The following DAO variants were observed in gnomAD, a reference collection of about 807,000 sequenced individuals.
DAO encodes the protein D-amino acid oxidase.
A neutral mutation model predicts 50.1 loss-of-function variants in DAO; 51 were observed. The observed-to-expected ratio is 1.02, with a 90% CI of 0.81 to 1.29. The LOEUF is 1.29. DAO is among the 50% of genes most tolerant of loss of function. The pLI is 0.00. For synonymous variants in DAO, 160 were observed against 166.2 expected, an observed-to-expected ratio of 0.96 and a Z score of 0.29; for missense variants, 436 against 439.4, an observed-to-expected ratio of 0.99 and a Z score of 0.07.
At chr12:108,884,926 A>T in intron 1 of DAO, 72 bp from the exon 2 acceptor site, 2 of 1,421,070 alleles carry the variant, frequency 1.4e-6, no homozygotes, top group Non-Finnish European at 2.0e-6. Context: ...CCTTCAGTGG[A>T]TGGTGGCAAT....
chr12:108,899,475 G>A lies in DAO; in HGVS notation c.912G>A (p.Glu304=), dbSNP rs2039598924. Residue 304 remains glutamate, a splice_region_variant and synonymous_variant, in exon 10 of 11, where the codon GAG becomes GAA. Transcript: ENST00000228476. ...TTCGCACTGGACCTTCAAACACAGA[G>A]GTATGCTCCCATGGCAAGGAAAGTA... ...EQLRTGPSNT[E]VIHNYGHGGY... 5.6e-6 allele frequency: 9 copies of A among 1,612,534 alleles called. No homozygotes were observed. In the East Asian group the frequency reaches 1.8e-4, roughly 32 times the overall value.
At chr12:108,897,228 T>G (rs1247391281) in intron 8 of DAO, 140 bp downstream of exon 8, 5 of 685,772 alleles carry the variant, frequency 7.3e-6, no homozygotes, top group Admixed American at 2.2e-5. Flanking sequence ...TTTATTATTA[T>G]TTTTTGAGAC....
intron 2 of DAO, among the ~76,000 whole-genome samples, chr12:108,885,794 G>C (rs776789033): frequency 2.0e-5 from 3 of 151,840 alleles, no homozygotes; most frequent in Non-Finnish European, 2.9e-5. Context: ...CACTCTTGTC[G>C]CCCAGACTGG....
chr12:108,896,342 GA>G lies in DAO; in HGVS notation c.613-662del, dbSNP rs534787239. Among the ~76,000 whole-genome samples the G allele has an allele frequency of 5.1e-3, 728 of 142,274 alleles. 10 individuals are homozygous for G. The highest frequency in any genetic ancestry group is 0.02 in the East Asian group (91 of 4,470). 93.3% of individuals were successfully genotyped at this position (142,274 alleles called of 152,430 possible). A position where few individuals can be genotyped will look rare whatever the true frequency, so the allele number is the denominator to read the frequency against. ...GGAGGCTGACGCAGGAGAATCGCTT[GA>G]ACCCGGGAGGCAGAGGCTGCAGTGA... On this transcript the variant is annotated intron_variant, in intron 7 of 10. Transcript: ENST00000228476.
At chr12:108,881,388 G>A (rs1211166743) in intron 1 of DAO, among the ~76,000 whole-genome samples, 1 of 150,736 alleles carries the variant, frequency 6.6e-6, no homozygotes, top group Middle Eastern at 3.2e-3. Context: ...ACGCATGAAT[G>A]ATTTTACCTA....
chr12:108,894,159 C>A, intron 6 of DAO, 104 bp from the exon 7 acceptor site: 3 of 884,662 alleles, frequency 3.4e-6, no homozygotes, highest in African/African-American at 1.7e-5. Context: ...CACTGTTCAT[C>A]AGGGAGTAGA....
Position 108,899,431 on chromosome 12 carries a change from C to T in DAO, c.868C>T (p.Arg290Trp), listed in dbSNP as rs201364697. 14 of 1,613,790 alleles carry T rather than the reference C, an allele frequency of 8.7e-6. No homozygotes were observed. The highest frequency in any genetic ancestry group is 8.0e-5 in the African/African-American group (6 of 75,020). The stretch of plus-strand genomic sequence containing the variant: ...CTTCCGGCCAGTACGCCCCCAGATT[C>T]GGCTAGAAAGAGAACAGCTTCGCAC... ...TGFRPVRPQI[R>W]LEREQLRTGP... The change falls in exon 10 of 11, where the codon CGG becomes TGG. Residue 290 changes from arginine to tryptophan, a missense_variant. Arg to Trp is a moderately radical substitution (Grantham distance 101). Coordinates refer to ENST00000228476, the MANE Select transcript of DAO (RefSeq NM_001917.5).
At chr12:108,899,577 T>A in intron 10 of DAO, 102 bp downstream of exon 10, 1 of 1,011,004 alleles carries the variant, frequency 9.9e-7, no homozygotes, top group Non-Finnish European at 1.5e-6. Flanking sequence ...CCACACAGGC[T>A]CCATAGCAGG....
At chr12:108,900,287 T>A in intron 10 of DAO, 117 bp from the exon 11 acceptor site, 1 of 1,353,354 alleles carries the variant, frequency 7.4e-7, no homozygotes, top group Non-Finnish European at 1.0e-6. Context: ...TCAGGTGGCA[T>A]CTGGCTTTGC....
At chr12:108,890,175 T>C in intron 4 of DAO, 33 bp from the exon 5 acceptor site, 1 of 1,585,212 alleles carries the variant, frequency 6.3e-7, no homozygotes, top group Non-Finnish European at 8.7e-7. Context: ...GATTTTTACC[T>C]TTATTTCCAC....
intron 2 of DAO, 66 bp downstream of exon 2, chr12:108,885,266 G>T (rs2039424276): frequency 1.3e-6 from 2 of 1,490,390 alleles, no homozygotes; most frequent in Non-Finnish European, 1.9e-6. Flanking sequence ...GGGAGTCAGG[G>T]TTCCCATCAC....
intron 7 of DAO, among the ~76,000 whole-genome samples, chr12:108,896,465 A>G (rs2039559058): frequency 6.7e-6 from 1 of 150,254 alleles, no homozygotes; most frequent in Non-Finnish European, 1.5e-5. Context: ...AGGAAAAAGG[A>G]ATGGAGGAAG....
At chr12:108,891,700 G>A (rs12811324) in intron 5 of DAO, among the ~76,000 whole-genome samples, 28,780 of 151,688 alleles carry the variant, frequency 0.19, 3,555 homozygotes, top group East Asian at 0.48. Flanking sequence ...CTGGGCTCAA[G>A]TGATGCTCCC....
chr12:108,892,894 T>A (rs2137355226), intron 5 of DAO, 88 bp from the exon 6 acceptor site: 3 of 1,175,988 alleles, frequency 2.6e-6, no homozygotes, highest in South Asian at 2.4e-5. Context: ...CGCAGAAGGT[T>A]GTTTGGGAAA....
At position 108,899,483 on chromosome 12, in the gene DAO, C is replaced by T. The variant is rs2039599037; in HGVS notation, c.912+8C>T. ...GGACCTTCAAACACAGAGGTATGCTCCCATGGCAAGGAAAGTAATGCCCTC... is the reference window on the plus strand; with the variant it reads ...GGACCTTCAAACACAGAGGTATGCTTCCATGGCAAGGAAAGTAATGCCCTC... On this transcript the variant is annotated splice_region_variant and intron_variant, in intron 10 of 10. Coordinates refer to ENST00000228476, the MANE Select transcript of DAO (RefSeq NM_001917.5). 2 of 1,610,534 alleles carry T rather than the reference C, an allele frequency of 1.2e-6. No homozygotes were observed.
intron 8 of DAO, chr12:108,898,372 A>G: frequency 2.5e-6 from 1 of 395,454 alleles, no homozygotes; most frequent in Non-Finnish European, 4.9e-6. Flanking sequence ...CTCAATGGCG[A>G]TGTTACTGGT....
At position 108,900,637 on chromosome 12, in the gene DAO, T is replaced by C. The variant is rs115988431; in HGVS notation, c.*102T>C. 3.8e-3 allele frequency: 5,830 copies of C among 1,519,710 alleles called. 186 individuals are homozygous for C. The African/African-American group carries it at 0.068, about 18-fold the overall frequency. The allele number at this position is 1,519,710 out of a possible 1,614,324, so 94.1% of individuals were successfully genotyped here. A position where few individuals can be genotyped will look rare whatever the true frequency, so the allele number is the denominator to read the frequency against. On this transcript the variant is annotated 3_prime_UTR_variant, in exon 11 of 11. Transcript: ENST00000228476. ...AAGCCATTGCTTCTCCCTCACTTCT[T>C]TCCTCAAAGAAGCATGAGGTGAGAG... is the stretch of plus-strand genomic sequence containing the variant.
chr12:108,887,838 G>A (rs1241144927), intron 3 of DAO, among the ~76,000 whole-genome samples: 1 of 152,200 alleles, frequency 6.6e-6, no homozygotes, highest in Non-Finnish European at 1.5e-5. Flanking sequence ...ATACAAACAT[G>A]TTCTGCAGTG....
chr12:108,889,806 G>A (rs2039471159), intron 4 of DAO, among the ~76,000 whole-genome samples: 1 of 152,140 alleles, frequency 6.6e-6, no homozygotes, highest in African/African-American at 2.4e-5. Flanking sequence ...TGAAGATACT[G>A]AGTTTCAGAG....
Sources: gnomAD v4.1 joint callset for allele counts (sites outside exome capture counted in the v4.1 genomes callset) on GRCh38, gnomAD v4.1.1 for gene constraint, MANE v1.5 for transcripts, NCBI Gene and HGNC (gene_info 2026-07-23, HGNC 2026-07-21) for gene names.